AQR: variants seen among roughly 807,000 people sequenced by gnomAD.
The protein encoded by AQR is aquarius intron-binding spliceosomal factor, also known as RNA helicase aquarius.
In AQR, 61 loss-of-function variants were observed where a neutral mutation model predicts 180.5. The ratio of observed to expected loss-of-function variants is 0.34; its 90% CI spans 0.28 to 0.42. The LOEUF (loss-of-function observed/expected upper bound fraction) is 0.42. Among genes scored for constraint, AQR ranks in the 10% least tolerant of loss-of-function variants. AQR has a pLI of 1.00. For synonymous variants in AQR, 551 were observed against 588.8 expected (o/e 0.94, Z 0.93); for missense variants, 1,281 against 1,798.3 (o/e 0.71, Z 5.20).
intron 24 of AQR, among the ~76,000 whole-genome samples, 153 bp downstream of exon 24, chr15:34,890,062 A>AT (rs1389416729): frequency 6.6e-6 from 1 of 152,246 alleles, no homozygotes; most frequent in Non-Finnish European, 1.5e-5. Flanking sequence ...CATCATGACC[A>AT]TATTTCTAGC....
intron 22 of AQR, among the ~76,000 whole-genome samples, chr15:34,896,437 A>G (rs980250237): frequency 6.6e-5 from 10 of 152,202 alleles, no homozygotes; most frequent in Non-Finnish European, 1.0e-4. Context: ...CTCTAAATGC[A>G]TAAGAACCTA....
At chr15:34,915,300 C>T (rs1367054009) in intron 15 of AQR, 121 bp from the exon 16 acceptor site, 1 of 961,946 alleles carries the variant, frequency 1.0e-6, no homozygotes. Context: ...AAGCCATTCT[C>T]CTGCCTCAGC....
At chr15:34,899,675 AT>A (rs1245383415) in intron 20 of AQR, among the ~76,000 whole-genome samples, 1 of 148,846 alleles carries the variant, frequency 6.7e-6, no homozygotes, top group Non-Finnish European at 1.5e-5. Context: ...CTGGCCTATT[AT>A]TATATATATA....
intron 19 of AQR, among the ~76,000 whole-genome samples, chr15:34,901,409 A>G (rs946653238): frequency 3.9e-5 from 6 of 152,230 alleles, no homozygotes; most frequent in Admixed American, 6.5e-5. Context: ...GATAAAAATA[A>G]AGGAAATATC....
intron 1 of AQR, among the ~76,000 whole-genome samples, chr15:34,968,919 A>G (rs540982324): frequency 2.6e-5 from 4 of 152,346 alleles, no homozygotes; most frequent in South Asian, 2.1e-4. Flanking sequence ...CTCTTATGCA[A>G]TTCACAAATA....
At chr15:34,921,151 T>C (rs1161188959) in intron 13 of AQR, among the ~76,000 whole-genome samples, 2 of 152,024 alleles carry the variant, frequency 1.3e-5, no homozygotes, top group African/African-American at 4.8e-5. Context: ...AACAACAAAC[T>C]GTTGGACCGG....
Position 34,876,809 on chromosome 15 carries a change from T to C in AQR, c.3166-803A>G, listed in dbSNP as rs946961993. Among the ~76,000 whole-genome samples, 3 of 152,210 alleles carry C rather than the reference T, an allele frequency of 2.0e-5. No homozygotes were observed. The East Asian group carries it at 5.8e-4, about 29-fold the overall frequency. ...ACTAAGCTTCAACCACAATGACCCATTTCAGTTTGTTGGAAATGGCAAAAC... is the reference window on the plus strand; with the variant it reads ...ACTAAGCTTCAACCACAATGACCCACTTCAGTTTGTTGGAAATGGCAAAAC... On this transcript the variant is annotated intron_variant, in intron 27 of 34. Coordinates refer to ENST00000156471, the MANE Select transcript of AQR (RefSeq NM_014691.3).
At chr15:34,953,047 G>C in intron 3 of AQR, 127 bp from the exon 4 acceptor site, 1 of 549,132 alleles carries the variant, frequency 1.8e-6, no homozygotes, top group Non-Finnish European at 3.2e-6. Context: ...CATAATATCA[G>C]ATCACAACTT....
rs917610650 is a variant in AQR, at chr15:34,924,458, G to A, written c.1118+2577C>T. Among the ~76,000 whole-genome samples the A allele has an allele frequency of 1.2e-3, 177 of 149,864 alleles. 2 individuals carry two copies. The highest frequency in any genetic ancestry group is 4.2e-3 in the African/African-American group (171 of 40,738). On this transcript the variant is annotated intron_variant, in intron 13 of 34. Transcript: ENST00000156471. The stretch of plus-strand genomic sequence containing the variant: ...TACTTTTTTTTTTTTTTGAGACAGA[G>A]TCTCACTCTGTTGCCCAGGCTGGAG...
At chr15:34,959,311 C>A (rs536814305) in intron 3 of AQR, among the ~76,000 whole-genome samples, 3 of 152,136 alleles carry the variant, frequency 2.0e-5, no homozygotes, top group African/African-American at 7.2e-5. Flanking sequence ...TACAGCCATA[C>A]GCCACCATGT....
At chr15:34,941,765 C>A (rs1334841489) in intron 7 of AQR, among the ~76,000 whole-genome samples, 1 of 152,012 alleles carries the variant, frequency 6.6e-6, no homozygotes, top group African/African-American at 2.4e-5. Flanking sequence ...CTAAATTAAC[C>A]CCCTTTCTCT....
intron 29 of AQR, 68 bp from the exon 30 acceptor site, chr15:34,874,067 A>G (rs1012689397): frequency 1.5e-6 from 2 of 1,369,472 alleles, no homozygotes; most frequent in South Asian, 2.0e-5. Flanking sequence ...TAATATACAT[A>G]AGGAGGTTTC....
chr15:34,924,835 G>A (rs1893734129), intron 13 of AQR, among the ~76,000 whole-genome samples: 1 of 150,822 alleles, frequency 6.6e-6, no homozygotes, highest in Admixed American at 6.6e-5. Flanking sequence ...TGTTCTTTGG[G>A]ATCCTCAATA....
At chr15:34,884,844 AG>A (rs1474133451) in intron 25 of AQR, 110 bp from the exon 26 acceptor site, 3 of 810,600 alleles carry the variant, frequency 3.7e-6, no homozygotes, top group Non-Finnish European at 5.7e-6. Context: ...AGAAAAAAAA[AG>A]AAATTCAATC....
In AQR at chr15:34,904,366, C is replaced by G. The variant is rs371832322; in HGVS notation, c.1971G>C (p.Met657Ile). 13 of 1,602,102 alleles carry G rather than the reference C, an allele frequency of 8.1e-6. No homozygotes were observed. Among genetic ancestry groups the G allele is most frequent in the African/African-American group, 1.3e-5 (1 of 74,478 alleles). The change falls in exon 19 of 35, where the codon ATG (methionine) becomes ATC (isoleucine). Residue 657 changes from methionine (M) to isoleucine (I), a missense_variant. By Grantham distance (10) the Met-to-Ile change is conservative (BLOSUM62 1). Around this residue, in one of 9 missense-constraint regions of AQR, gnomAD observed 200 missense variants for 293.4 expected, o/e 0.68. Coordinates refer to ENST00000156471, the MANE Select transcript of AQR (RefSeq NM_014691.3). The stretch of plus-strand genomic sequence containing the variant: ...AGTTATTTTCCTTTGGTTTTCTCCT[C>G]ATTATTATATTAAAAGTTTCATACA... Reference protein sequence around the residue: ...EDVYETFNIIMRRKPKENNFK... With the variant: ...EDVYETFNIIIRRKPKENNFK...
At chr15:34,922,833 C>A (rs1409614382) in intron 13 of AQR, among the ~76,000 whole-genome samples, 1 of 151,886 alleles carries the variant, frequency 6.6e-6, no homozygotes, top group African/African-American at 2.4e-5. Flanking sequence ...AAAACAAATT[C>A]TAATAGGTAT....
chr15:34,932,536 G>GTA, intron 10 of AQR, 102 bp from the exon 11 acceptor site: 1 of 831,878 alleles, frequency 1.2e-6, no homozygotes, highest in Non-Finnish European at 1.9e-6. Flanking sequence ...CACATACAAG[G>GTA]TACCCTCCAA....
intron 20 of AQR, among the ~76,000 whole-genome samples, chr15:34,900,414 C>G (rs1370935486): frequency 6.6e-6 from 1 of 152,126 alleles, no homozygotes; most frequent in Non-Finnish European, 1.5e-5. Context: ...TATTAGACTA[C>G]TTTTACTGTG....
At chr15:34,923,350 A>C (rs1353184280) in intron 13 of AQR, among the ~76,000 whole-genome samples, 2 of 152,134 alleles carry the variant, frequency 1.3e-5, no homozygotes, top group Non-Finnish European at 2.9e-5. Flanking sequence ...CTATTCCTTC[A>C]TCAAATACCC....
Sources: gnomAD v4.1 joint callset for allele counts (sites outside exome capture counted in the v4.1 genomes callset) on GRCh38, gnomAD v4.1.1 for gene constraint, gnomAD v4.1.1 regional missense constraint, MANE v1.5 for transcripts, NCBI Gene and HGNC (gene_info 2026-07-23, HGNC 2026-07-21) for gene names.